Variants in MECOM observed in about 807,000 individuals in gnomAD.
MECOM encodes MDS1 and EVI1 complex locus, also known as histone-lysine N-methyltransferase MECOM.
MECOM carries 13 observed loss-of-function variants against 116.3 expected under a neutral mutation model. That is an observed-to-expected ratio of 0.11 (90% confidence interval 0.07 to 0.18). The LOEUF is 0.18. Ranked by LOEUF, MECOM falls within the 10% of genes least tolerant of loss-of-function variation. MECOM has a pLI of 1.00. For missense variants in MECOM, 1,299 were observed against 1,509.0 expected (o/e 0.86, Z 2.31); for synonymous variants, 528 against 535.2 (o/e 0.99, Z 0.19).
chr3:169,413,675 G>T (rs775855198), intron 1 of MECOM, among the ~76,000 whole-genome samples: 4 of 152,036 alleles, frequency 2.6e-5, no homozygotes, highest in African/African-American at 9.7e-5. Context: ...GTCTAAAGAC[G>T]ACCTGGGATG....
chr3:169,345,339 A>T (rs1037724861), intron 2 of MECOM, among the ~76,000 whole-genome samples: 29 of 152,042 alleles, frequency 1.9e-4, no homozygotes, highest in African/African-American at 7.0e-4. Flanking sequence ...ACTTCCAGGG[A>T]TAGGAAGAAA....
In MECOM at chr3:169,378,470, CAA is replaced by C. The variant is rs1560197148; in HGVS notation, c.375+2715_375+2716del. ...GAAAGAAGGAAAGCAAGCAAGCAAG[CAA>C]GCAAGAAAGAGAGAGAGAAAGAAAG... On this transcript the variant is annotated intron_variant, in intron 2 of 16. Transcript: ENST00000651503. Among the ~76,000 whole-genome samples, 283 of 32,800 alleles carry C rather than the reference CAA, an allele frequency of 8.6e-3. 33 individuals are homozygous for C. Among genetic ancestry groups the C allele is most frequent in the African/African-American group, 0.02 (97 of 4,736 alleles). The allele number at this position is 32,800 out of a possible 152,430, so 21.5% of individuals were successfully genotyped here.
chr3:169,282,827 T>C (rs1577578563), intron 2 of MECOM, among the ~76,000 whole-genome samples: 2 of 151,818 alleles, frequency 1.3e-5, no homozygotes, highest in East Asian at 3.8e-4. Flanking sequence ...TATGATATAA[T>C]AATATGTATA....
intron 1 of MECOM, among the ~76,000 whole-genome samples, chr3:169,514,765 C>A (rs1188884374): frequency 6.6e-6 from 1 of 152,148 alleles, no homozygotes; most frequent in Non-Finnish European, 1.5e-5. Flanking sequence ...TAAATAACCC[C>A]TGAATGGGTT....
intron 2 of MECOM, chr3:169,269,354 C>T (rs1758670652): frequency 1.3e-5 from 2 of 148,486 alleles, no homozygotes; most frequent in South Asian, 4.2e-4. Flanking sequence ...CTGTATACAG[C>T]TTTAAAAAGA....
At chr3:169,163,848 A>G (rs1743192694) in intron 2 of MECOM, among the ~76,000 whole-genome samples, 1 of 152,038 alleles carries the variant, frequency 6.6e-6, no homozygotes. Context: ...CCCTAATCTC[A>G]GTTTAGTAAT....
In MECOM at chr3:169,276,273, C is replaced by T. The variant is rs1759554372; in HGVS notation, c.375+104914G>A. Among the ~76,000 whole-genome samples the T allele has an allele frequency of 3.9e-5, 6 of 152,130 alleles. No homozygotes were observed. The South Asian group carries it at 1.2e-3, about 32-fold the overall frequency. On this transcript the variant is annotated intron_variant, in intron 2 of 16. Coordinates refer to ENST00000651503, the MANE Select transcript of MECOM (RefSeq NM_004991.4). ...TTTTTGTTTAAAAATGTCCTATGGC[C>T]GGGCGCAGTGGCTCACGCCTGTAAT...
At chr3:169,257,213 A>T (rs1290604980) in intron 2 of MECOM, among the ~76,000 whole-genome samples, 4 of 152,262 alleles carry the variant, frequency 2.6e-5, no homozygotes. Flanking sequence ...GAGGCTACAA[A>T]TATACATTAT....
chr3:169,274,152 T>C (rs896072732), intron 2 of MECOM, among the ~76,000 whole-genome samples: 4 of 152,020 alleles, frequency 2.6e-5, no homozygotes, highest in African/African-American at 9.7e-5. Context: ...CCTCAGGTGA[T>C]CTGCCCTCCT....
intron 1 of MECOM, among the ~76,000 whole-genome samples, chr3:169,627,096 G>A (rs1183829668): frequency 6.6e-6 from 1 of 152,144 alleles, no homozygotes; most frequent in African/African-American, 2.4e-5. Context: ...ACAAATTACA[G>A]CAGTCAAAAA....
At chr3:169,315,701 G>T (rs1009222403) in intron 2 of MECOM, among the ~76,000 whole-genome samples, 5 of 152,118 alleles carry the variant, frequency 3.3e-5, no homozygotes, top group African/African-American at 4.8e-5. Context: ...CCCAAAGAGC[G>T]CCAGATTAAA....
At chr3:169,219,288 C>G (rs995320667) in intron 2 of MECOM, among the ~76,000 whole-genome samples, 1 of 152,094 alleles carries the variant, frequency 6.6e-6, no homozygotes, top group African/African-American at 2.4e-5. Flanking sequence ...GGGTGGATCA[C>G]GAGGTCAGGA....
chr3:169,250,452 A>C (rs2149582235), intron 2 of MECOM, among the ~76,000 whole-genome samples: 1 of 152,310 alleles, frequency 6.6e-6, no homozygotes, highest in African/African-American at 2.4e-5. Context: ...AAATGTAGAA[A>C]CAAAAGGCAT....
At chr3:169,367,684 C>T (rs528120176) in intron 2 of MECOM, among the ~76,000 whole-genome samples, 1 of 152,084 alleles carries the variant, frequency 6.6e-6, no homozygotes, top group East Asian at 1.9e-4. Flanking sequence ...TTCAGCAGCA[C>T]TCTACTGGTG....
intron 1 of MECOM, among the ~76,000 whole-genome samples, chr3:169,507,633 G>A (rs940547859): frequency 2.6e-4 from 31 of 119,964 alleles, no homozygotes; most frequent in African/African-American, 1.0e-3. Flanking sequence ...ACCAATTTTG[G>A]TTTAAATCCC....
At chr3:169,386,529 A>G (rs1733342515) in intron 1 of MECOM, among the ~76,000 whole-genome samples, 1 of 152,210 alleles carries the variant, frequency 6.6e-6, no homozygotes, top group Non-Finnish European at 1.5e-5. Flanking sequence ...TCATTGGATT[A>G]TAGTTTATTA....
At chr3:169,621,944 T>G (rs1418185349) in intron 1 of MECOM, among the ~76,000 whole-genome samples, 2 of 152,122 alleles carry the variant, frequency 1.3e-5, no homozygotes, top group African/African-American at 4.8e-5. Context: ...GAAGAAAAAC[T>G]TCCTTACGAC....
At chr3:169,573,195 G>A (rs1191417860) in intron 1 of MECOM, among the ~76,000 whole-genome samples, 1 of 152,144 alleles carries the variant, frequency 6.6e-6, no homozygotes, top group Non-Finnish European at 1.5e-5. Context: ...CAGGAGGAGG[G>A]AGCCGGTTTT....
intron 1 of MECOM, among the ~76,000 whole-genome samples, chr3:169,445,447 C>G (rs1406757648): frequency 6.6e-6 from 1 of 152,220 alleles, no homozygotes; most frequent in African/African-American, 2.4e-5. Flanking sequence ...CCTGTGAGTA[C>G]ACAGAAGTTA....
Sources: allele counts gnomAD v4.1 joint callset (sites outside exome capture counted in the v4.1 genomes callset), GRCh38; gene constraint gnomAD v4.1.1; transcripts MANE v1.5; gene names NCBI Gene and HGNC (gene_info 2026-07-23, HGNC 2026-07-21).